Variants in FAM199X observed in about 807,000 individuals in gnomAD.
FAM199X encodes protein FAM199X.
A neutral mutation model predicts 22.9 loss-of-function variants in FAM199X; 4 were observed. The observed-to-expected ratio is 0.17, with a 90% CI of 0.09 to 0.40. FAM199X has a LOEUF of 0.40. Ranked by LOEUF, FAM199X falls within the 10% of genes least tolerant of loss-of-function variation. The probability of loss-of-function intolerance (pLI) is 1.00; values close to 1 mark genes in which losing one functional copy is unlikely to be tolerated. For synonymous variants in FAM199X, 101 were observed against 112.3 expected (o/e 0.90, Z 0.64); for missense variants, 183 against 306.8 (o/e 0.60, Z 3.01).
At chrX:104,176,882 A>G (rs1235257928) in intron 2 of FAM199X, among the ~76,000 whole-genome samples, 1 of 111,591 alleles carries the variant, frequency 9.0e-6, no homozygotes, top group African/African-American at 3.2e-5. Context: ...CACTGAAAAG[A>G]TGAGATTTTT....
upstream of FAM199X, among the ~76,000 whole-genome samples, chrX:104,166,268 AG>A (rs1243130861): frequency 2.7e-5 from 3 of 112,727 alleles, no homozygotes; most frequent in African/African-American, 9.6e-5. Flanking sequence ...GCGGAGGAGG[AG>A]GTTGGCCAGA....
Position 104,190,354 on chromosome X carries a change from G to A in FAM199X, c.*576G>A, listed in dbSNP as rs1183634697. 8.9e-6 allele frequency: 1 copy of A among 112,012 alleles called. No individual in the cohort carries two copies. Among genetic ancestry groups the A allele is most frequent in the Non-Finnish European group, 1.9e-5 (1 of 53,340 alleles). The allele number at this position is 112,012 out of a possible 1,213,427, so 9.2% of individuals were successfully genotyped here. A position where few individuals can be genotyped will look rare whatever the true frequency, so the allele number is the denominator to read the frequency against. ...GGGGGTGGGCAAGGTGTGGATTGCT[G>A]TTTACGATAGTGCCTTCATTAGTTT... is the stretch of plus-strand genomic sequence containing the variant. On this transcript the variant is annotated 3_prime_UTR_variant, in exon 6 of 6. Coordinates refer to ENST00000493442, the MANE Select transcript of FAM199X (RefSeq NM_207318.4).
rs1184816766 is a variant in FAM199X at position 104,192,006 on chromosome X, G to C, written c.*2228G>C. ...ACTGTCATTATAGTACTATAAATTA[G>C]AGATAGTCCATAAAGTTGGGTTGAA... On this transcript the variant is annotated 3_prime_UTR_variant, in exon 6 of 6. Transcript: ENST00000493442. 9.0e-6 allele frequency: 1 copy of C among 111,655 alleles called. No individual in the cohort carries two copies. The highest frequency in any genetic ancestry group is 1.9e-5 in the Non-Finnish European group (1 of 53,016). 9.2% of individuals were successfully genotyped at this position (111,655 alleles called of 1,213,427 possible).
At chrX:104,179,976 C>CTT (rs1162038054) in intron 2 of FAM199X, among the ~76,000 whole-genome samples, 983 of 86,083 alleles carry the variant, frequency 0.011, 19 homozygotes, top group African/African-American at 0.039. Context: ...TGAATTTTTC[C>CTT]TTTTTTTTTT....
chrX:104,180,188 C>T (rs75239498), intron 2 of FAM199X, among the ~76,000 whole-genome samples: 7,209 of 107,322 alleles, frequency 0.067, 641 homozygotes, highest in African/African-American at 0.23. Context: ...ACTTTGCTGC[C>T]CAGGCTGGTC....
intron 1 of FAM199X, among the ~76,000 whole-genome samples, chrX:104,170,157 A>C (rs1556375082): frequency 8.9e-6 from 1 of 112,408 alleles, no homozygotes; most frequent in African/African-American, 3.2e-5. Context: ...TTCTCTTAGC[A>C]CTTCCAAACT....
chrX:104,163,853 A>C (rs898266750), upstream of FAM199X, among the ~76,000 whole-genome samples: 3 of 109,972 alleles, frequency 2.7e-5, no homozygotes, highest in Non-Finnish European at 5.7e-5. Flanking sequence ...TTTTTAGTAG[A>C]GATGGTGTTA....
chrX:104,167,853 A>T (rs1921253162), intron 1 of FAM199X, among the ~76,000 whole-genome samples: 1 of 109,207 alleles, frequency 9.2e-6, no homozygotes, highest in African/African-American at 3.4e-5. Flanking sequence ...TACAGCCTCA[A>T]GTTTTAACAT....
intron 2 of FAM199X, among the ~76,000 whole-genome samples, chrX:104,184,450 C>T (rs1289466611): frequency 9.0e-6 from 1 of 111,682 alleles, no homozygotes; most frequent in Non-Finnish European, 1.9e-5. Context: ...AAGACTTTAC[C>T]TTTTTGATGA....
chrX:104,173,094 G>A (rs959705680), intron 1 of FAM199X, among the ~76,000 whole-genome samples: 1 of 110,984 alleles, frequency 9.0e-6, no homozygotes, highest in African/African-American at 3.3e-5. Flanking sequence ...TCAGCCTCCC[G>A]AGAGTAGCTG....
At position 104,190,982 on chromosome X, in the gene FAM199X, A is replaced by C. The variant is rs899929033; in HGVS notation, c.*1204A>C. ...ATAGCATTATTCCTTTTCTTCTACC[A>C]CATGTCTTGAACATTCACATGGGTT... On this transcript the variant is annotated 3_prime_UTR_variant, in exon 6 of 6. Coordinates refer to ENST00000493442, the MANE Select transcript of FAM199X (RefSeq NM_207318.4). 31 of 111,721 alleles carry C rather than the reference A, an allele frequency of 2.8e-4. No individual in the cohort carries two copies. Among genetic ancestry groups the C allele is most frequent in the Admixed American group, 7.6e-4 (8 of 10,477 alleles). 9.2% of individuals were successfully genotyped at this position (111,721 alleles called of 1,213,427 possible).
chrX:104,166,488 C>A lies in FAM199X; in HGVS notation c.-298C>A, dbSNP rs1921190227. ...GGCGAGCGCAGTGGGCGGGGCGGGC[C>A]TGGCCGGGCCGGGCGGCGGCGCTGC... On this transcript the variant is annotated 5_prime_UTR_variant, in exon 1 of 6. The change creates a new upstream start codon in the 5' untranslated region. Coordinates refer to ENST00000493442, the MANE Select transcript of FAM199X (RefSeq NM_207318.4). The A allele has an allele frequency of 4.2e-5, 7 of 167,650 alleles. No homozygotes were observed. The highest frequency in any genetic ancestry group is 1.8e-4 in the African/African-American group (6 of 32,785). The allele number at this position is 167,650 out of a possible 1,213,427, so 13.8% of individuals were successfully genotyped here.
At chrX:104,163,167 T>C (rs1465014396), upstream of FAM199X, among the ~76,000 whole-genome samples, 1 of 104,822 alleles carries the variant, frequency 9.5e-6, no homozygotes, top group Non-Finnish European at 2.0e-5. Context: ...CATGAAAAAA[T>C]TATAAGGGTT....
chrX:104,160,791 C>A, the FAM199X span, among the ~76,000 whole-genome samples: 1 of 111,444 alleles, frequency 9.0e-6, no homozygotes, highest in Non-Finnish European at 1.9e-5. Flanking sequence ...TTGAAAATGA[C>A]CAGATTGTTG....
rs1279882616 is a variant in FAM199X, at chrX:104,190,019, C to T, written c.*241C>T. 8 of 335,477 alleles carry T rather than the reference C, an allele frequency of 2.4e-5. No individual in the cohort carries two copies. Among genetic ancestry groups the T allele is most frequent in the African/African-American group, 7.9e-5 (3 of 37,815 alleles). 27.6% of individuals were successfully genotyped at this position (335,477 alleles called of 1,213,427 possible). A position where few individuals can be genotyped will look rare whatever the true frequency, so the allele number is the denominator to read the frequency against. Reference sequence around the variant, plus strand: ...AGTGAATCAGAAACCAACAGGGAGGCGCCTAGCATTGTTTTTTTAACAAGT... The same window carrying T: ...AGTGAATCAGAAACCAACAGGGAGGTGCCTAGCATTGTTTTTTTAACAAGT... On this transcript the variant is annotated 3_prime_UTR_variant, in exon 6 of 6. Coordinates refer to ENST00000493442, the MANE Select transcript of FAM199X (RefSeq NM_207318.4).
At chrX:104,170,756 G>GT (rs1273994690) in intron 1 of FAM199X, among the ~76,000 whole-genome samples, 1 of 111,121 alleles carries the variant, frequency 9.0e-6, no homozygotes, top group Non-Finnish European at 1.9e-5. Flanking sequence ...GACATAGAGT[G>GT]TTTTTTACTT....
chrX:104,160,671 C>T, the FAM199X span, among the ~76,000 whole-genome samples: 1 of 112,151 alleles, frequency 8.9e-6, no homozygotes, highest in African/African-American at 3.2e-5. Flanking sequence ...AATAATTCTT[C>T]TATGATTCAG....
rs1364586941 is a variant in FAM199X at position 104,194,762 on chromosome X, T to G, written c.*4984T>G. 1 of 111,907 alleles carries G rather than the reference T, an allele frequency of 8.9e-6. No homozygotes were observed. Among genetic ancestry groups the G allele is most frequent in the African/African-American group, 3.2e-5 (1 of 30,904 alleles). 9.2% of individuals were successfully genotyped at this position (111,907 alleles called of 1,213,427 possible). Reference sequence around the variant, plus strand: ...CAAATTGTGGGTTTTTGTTTTTGCTTTTTAGTTTCAAAGATTAGTTATGTA... The same window carrying G: ...CAAATTGTGGGTTTTTGTTTTTGCTGTTTAGTTTCAAAGATTAGTTATGTA... On this transcript the variant is annotated 3_prime_UTR_variant, in exon 6 of 6. Coordinates refer to ENST00000493442, the MANE Select transcript of FAM199X (RefSeq NM_207318.4).
chrX:104,167,882 C>A (rs1026602162), intron 1 of FAM199X, among the ~76,000 whole-genome samples: 3 of 107,661 alleles, frequency 2.8e-5, no homozygotes, highest in Non-Finnish European at 3.8e-5. Context: ...ATTTGAGATA[C>A]ATATACAAAG....
Sources: allele counts gnomAD v4.1 joint callset (sites outside exome capture counted in the v4.1 genomes callset), GRCh38; gene constraint gnomAD v4.1.1; transcripts MANE v1.5; gene names NCBI Gene and HGNC (gene_info 2026-07-23, HGNC 2026-07-21).